Variants in SDK1 observed in about 807,000 individuals in gnomAD.
The protein encoded by SDK1 is protein sidekick-1.
SDK1 carries 157 observed loss-of-function variants against 245.5 expected under a neutral mutation model. The ratio of observed to expected loss-of-function variants is 0.64; its 90% CI spans 0.56 to 0.73. SDK1 has a LOEUF of 0.73. Ranked by LOEUF, SDK1 falls within the 30% of genes least tolerant of loss-of-function variation. The probability of loss-of-function intolerance (pLI) is 0.00; values close to 1 mark genes in which losing one functional copy is unlikely to be tolerated. For synonymous variants in SDK1, 1,647 were observed against 1,278.5 expected (o/e 1.29, Z -6.15); for missense variants, 3,583 against 3,002.3 (o/e 1.19, Z -4.52).
At chr7:3,943,058 G>A (rs1055896547) in intron 5 of SDK1, among the ~76,000 whole-genome samples, 2 of 152,206 alleles carry the variant, frequency 1.3e-5, no homozygotes, top group African/African-American at 2.4e-5. Context: ...TTCAAGAGGC[G>A]TATTCGCCAG....
chr7:3,564,078 A>T (rs755912043), intron 1 of SDK1, among the ~76,000 whole-genome samples: 1 of 152,120 alleles, frequency 6.6e-6, no homozygotes, highest in Admixed American at 6.5e-5. Flanking sequence ...TTAAATAAAC[A>T]TAGTTTATTA....
At chr7:3,775,565 C>T (rs1562434355) in intron 4 of SDK1, among the ~76,000 whole-genome samples, 2 of 148,330 alleles carry the variant, frequency 1.3e-5, no homozygotes, top group African/African-American at 5.0e-5. Context: ...ATTAGTACCT[C>T]TTTTTTTTTC....
intron 1 of SDK1, among the ~76,000 whole-genome samples, chr7:3,361,319 A>C (rs1024624888): frequency 6.6e-6 from 1 of 152,222 alleles, no homozygotes; most frequent in Non-Finnish European, 1.5e-5. Flanking sequence ...TTAAACACTT[A>C]TGGTGAGAAC....
At chr7:3,492,805 C>G (rs903319162) in intron 1 of SDK1, among the ~76,000 whole-genome samples, 6 of 152,168 alleles carry the variant, frequency 3.9e-5, no homozygotes, top group Non-Finnish European at 7.3e-5. Context: ...TTAGCTTGCT[C>G]TTGATTGAAC....
chr7:4,139,469 GTGTGTGTATA>G (rs1476092295), intron 28 of SDK1, among the ~76,000 whole-genome samples: 3 of 129,138 alleles, frequency 2.3e-5, no homozygotes, highest in African/African-American at 7.9e-5. Flanking sequence ...ATGTATATAT[GTGTGTGTATA>G]TGTGTGTGTA....
At chr7:3,888,992 T>G (rs1159285428) in intron 5 of SDK1, among the ~76,000 whole-genome samples, 1 of 152,220 alleles carries the variant, frequency 6.6e-6, no homozygotes, top group East Asian at 1.9e-4. Context: ...TTGTTGCTAT[T>G]GAGTTTTTAA....
intron 44 of SDK1, among the ~76,000 whole-genome samples, chr7:4,260,157 T>G (rs1329024054): frequency 2.8e-5 from 4 of 143,230 alleles, no homozygotes; most frequent in African/African-American, 7.9e-5. Flanking sequence ...GGGGTCTCTG[T>G]GTGTGTGGGA....
intron 19 of SDK1, 103 bp from the exon 20 acceptor site, chr7:4,067,735 C>T: frequency 1.3e-6 from 1 of 786,674 alleles, no homozygotes; most frequent in Non-Finnish European, 2.1e-6. Flanking sequence ...TTTGCAGCCC[C>T]AGCTCACCAC....
chr7:3,309,478 A>G (rs1779497934), intron 1 of SDK1, among the ~76,000 whole-genome samples: 1 of 151,476 alleles, frequency 6.6e-6, no homozygotes, highest in Non-Finnish European at 1.5e-5. Context: ...GCTATGTGAA[A>G]TCAAAACCAG....
intron 1 of SDK1, among the ~76,000 whole-genome samples, chr7:3,441,974 G>A (rs1326102801): frequency 2.0e-5 from 3 of 152,036 alleles, no homozygotes; most frequent in African/African-American, 4.8e-5. Context: ...GTATGAATAC[G>A]GGATGCCTTA....
intron 1 of SDK1, among the ~76,000 whole-genome samples, chr7:3,608,708 A>G (rs1168124949): frequency 6.6e-6 from 1 of 152,234 alleles, no homozygotes; most frequent in Non-Finnish European, 1.5e-5. Context: ...GTGTATGGAT[A>G]AGATCCATTC....
chr7:3,783,804 C>T (rs907517020), intron 4 of SDK1, among the ~76,000 whole-genome samples: 28 of 152,136 alleles, frequency 1.8e-4, no homozygotes, highest in Non-Finnish European at 4.0e-4. Flanking sequence ...CAATTCAGTG[C>T]AGTTCTTATC....
chr7:3,848,685 T>A (rs564052385), intron 5 of SDK1, among the ~76,000 whole-genome samples: 164 of 152,150 alleles, frequency 1.1e-3, no homozygotes, highest in Non-Finnish European at 2.0e-3. Context: ...TTTTTTTTTT[T>A]TCTGAGACAG....
intron 1 of SDK1, among the ~76,000 whole-genome samples, chr7:3,432,750 T>A (rs1226694495): frequency 6.6e-6 from 1 of 152,134 alleles, no homozygotes; most frequent in Non-Finnish European, 1.5e-5. Context: ...ATACCCACAT[T>A]TAAGTTGCTT....
intron 34 of SDK1, among the ~76,000 whole-genome samples, chr7:4,177,796 C>T (rs187076126): frequency 7.2e-5 from 11 of 152,306 alleles, no homozygotes; most frequent in African/African-American, 2.6e-4. Flanking sequence ...TGAAATAATT[C>T]TACAACTCAC....
At chr7:3,616,843 A>T (rs1185802476) in intron 1 of SDK1, among the ~76,000 whole-genome samples, 1 of 152,248 alleles carries the variant, frequency 6.6e-6, no homozygotes, top group East Asian at 1.9e-4. Context: ...TTAAATGTAC[A>T]GTAGTTTATA....
At chr7:4,213,457 T>G (rs997724312) in intron 38 of SDK1, among the ~76,000 whole-genome samples, 1 of 151,390 alleles carries the variant, frequency 6.6e-6, no homozygotes. Context: ...TGGTGGCATG[T>G]GCCTGTAGTC....
intron 4 of SDK1, among the ~76,000 whole-genome samples, chr7:3,707,275 T>A (rs926269547): frequency 1.3e-5 from 2 of 152,254 alleles, no homozygotes; most frequent in Non-Finnish European, 2.9e-5. Flanking sequence ...TTTCAAAGAA[T>A]TTTTAAATTT....
At chr7:4,196,324 C>T (rs1420492118) in intron 35 of SDK1, among the ~76,000 whole-genome samples, 3 of 152,210 alleles carry the variant, frequency 2.0e-5, no homozygotes, top group Admixed American at 6.5e-5. Flanking sequence ...CTCCTCCGGG[C>T]TGGGTCCCCA....
Sources: gnomAD v4.1 joint callset for allele counts (sites outside exome capture counted in the v4.1 genomes callset) on GRCh38, gnomAD v4.1.1 for gene constraint, MANE v1.5 for transcripts, NCBI Gene and HGNC (gene_info 2026-07-23, HGNC 2026-07-21) for gene names.